The following NXNL2 variants were observed in gnomAD, a reference collection of about 807,000 sequenced individuals.
The protein encoded by NXNL2 is nucleoredoxin-like protein 2.
In NXNL2, 7 loss-of-function variants were observed where a neutral mutation model predicts 11.1. That is an observed-to-expected ratio of 0.63 (90% CI 0.36 to 1.18). The LOEUF (loss-of-function observed/expected upper bound fraction) is 1.18. Among genes scored for constraint, NXNL2 ranks in the 50% most tolerant of loss-of-function variants. NXNL2 has a pLI of 0.02. For synonymous variants in NXNL2, 109 were observed against 101.8 expected, an observed-to-expected ratio of 1.07 and a Z score of -0.42; for missense variants, 233 against 217.7, an observed-to-expected ratio of 1.07 and a Z score of -0.44.
downstream of NXNL2, among the ~76,000 whole-genome samples, chr9:88,545,357 T>A (rs1829832908): frequency 6.6e-6 from 1 of 152,194 alleles, no homozygotes; most frequent in African/African-American, 2.4e-5. Flanking sequence ...CTTTCCAGCC[T>A]CATTCTTATC....
exon 3 of NXNL2, chr9:88,575,239 C>A: frequency 1.2e-6 from 1 of 810,708 alleles, no homozygotes; most frequent in Non-Finnish European, 1.5e-6. Context: ...AGCAATCCTG[C>A]TGCTGGGTAT....
downstream of NXNL2, among the ~76,000 whole-genome samples, chr9:88,549,177 A>G (rs1332084127): frequency 3.3e-5 from 5 of 152,182 alleles, no homozygotes; most frequent in Non-Finnish European, 5.9e-5. Context: ...AGATATGCAG[A>G]CACATCCATT....
chr9:88,555,644 T>C (rs1436327384), intron 1 of NXNL2, among the ~76,000 whole-genome samples: 1 of 152,128 alleles, frequency 6.6e-6, no homozygotes, highest in Non-Finnish European at 1.5e-5. Context: ...ATACTTTTCC[T>C]GAAAGGAAAA....
chr9:88,563,968 T>A (rs1418268635), intron 1 of NXNL2, among the ~76,000 whole-genome samples: 1 of 152,046 alleles, frequency 6.6e-6, no homozygotes, highest in African/African-American at 2.4e-5. Flanking sequence ...CCTAGCACTT[T>A]GGGAGGCCAA....
chr9:88,563,824 A>G (rs1830123249), intron 1 of NXNL2, among the ~76,000 whole-genome samples: 1 of 151,798 alleles, frequency 6.6e-6, no homozygotes, highest in South Asian at 2.1e-4. Flanking sequence ...CCAATTGTTC[A>G]CACCTCTGCC....
downstream of NXNL2, among the ~76,000 whole-genome samples, chr9:88,549,640 C>A (rs76054764): frequency 6.2e-3 from 950 of 152,266 alleles, 7 homozygotes; most frequent in African/African-American, 0.021. Context: ...CTGTATTAGG[C>A]CATTCTTGCA....
Position 88,544,651 on chromosome 9 carries a change from A to T in NXNL2, c.*104A>T. The T allele has an allele frequency of 4.9e-6, 7 of 1,435,862 alleles. No homozygotes were observed. The highest frequency in any genetic ancestry group is 2.7e-6 in the Non-Finnish European group (3 of 1,092,778). 88.9% of individuals were successfully genotyped at this position (1,435,862 alleles called of 1,614,324 possible). ...TTCCTTCCTCTGTTGGTGTGATTTCATTGTATTTCAGAGCAGAAGCACTAA... is the reference window on the plus strand; with the variant it reads ...TTCCTTCCTCTGTTGGTGTGATTTCTTTGTATTTCAGAGCAGAAGCACTAA... On this transcript the variant is annotated 3_prime_UTR_variant, in exon 2 of 2. Coordinates refer to ENST00000375854, the MANE Select transcript of NXNL2 (RefSeq NM_001161625.2).
chr9:88,577,302 G>C (rs1231835251), downstream of NXNL2, among the ~76,000 whole-genome samples: 3 of 151,786 alleles, frequency 2.0e-5, no homozygotes, highest in East Asian at 1.9e-4. Context: ...TGACTGGGCG[G>C]GGGGGGCGGC....
chr9:88,547,110 C>T (rs1829856195), downstream of NXNL2, among the ~76,000 whole-genome samples: 1 of 152,248 alleles, frequency 6.6e-6, no homozygotes, highest in African/African-American at 2.4e-5. Context: ...GCCCACGTCT[C>T]ATCCAGACTC....
downstream of NXNL2, among the ~76,000 whole-genome samples, chr9:88,549,187 T>C (rs932240727): frequency 6.6e-6 from 1 of 152,182 alleles, no homozygotes; most frequent in Admixed American, 6.5e-5. Flanking sequence ...ACACATCCAT[T>C]GGTCTGTCCC....
chr9:88,543,996 C>A (rs1489239363), intron 1 of NXNL2, among the ~76,000 whole-genome samples: 1 of 152,138 alleles, frequency 6.6e-6, no homozygotes, highest in Non-Finnish European at 1.5e-5. Flanking sequence ...ATGGTGAAAC[C>A]CCATCTCTAC....
At position 88,535,691 on chromosome 9, in the gene NXNL2, T is replaced by G. The variant is rs142065572; in HGVS notation, c.257T>G (p.Leu86Arg). 8.1e-6 allele frequency: 13 copies of G among 1,601,226 alleles called. No individual in the cohort carries two copies. The highest frequency in any genetic ancestry group is 2.7e-5 in the African/African-American group (2 of 74,580). ...SQEMLDFMRE[L>R]HGAWLALPFH... Reference sequence around the variant, plus strand: ...GAGATGCTGGACTTCATGCGCGAGCTGCATGGCGCCTGGCTGGCGCTGCCC... The same window carrying G: ...GAGATGCTGGACTTCATGCGCGAGCGGCATGGCGCCTGGCTGGCGCTGCCC... The change falls in exon 1 of 2, where the codon CTG becomes CGG. Residue 86 changes from leucine (L) to arginine (R), a missense_variant. Leu to Arg is a moderately radical substitution (Grantham distance 102). Transcript: ENST00000375854.
intron 1 of NXNL2, among the ~76,000 whole-genome samples, chr9:88,543,491 C>G (rs759151151): frequency 6.6e-6 from 1 of 152,092 alleles, no homozygotes; most frequent in Non-Finnish European, 1.5e-5. Context: ...GTCTTGAACT[C>G]TTGGACTTAA....
At chr9:88,571,075 T>TC in intron 1 of NXNL2, 1 of 428,190 alleles carries the variant, frequency 2.3e-6, no homozygotes, top group Non-Finnish European at 4.6e-6. Context: ...TCTTTTCTTT[T>TC]TTTTTTTTCA....
At chr9:88,580,269 T>G (rs1830395072), downstream of NXNL2, among the ~76,000 whole-genome samples, 1 of 151,290 alleles carries the variant, frequency 6.6e-6, no homozygotes, top group Non-Finnish European at 1.5e-5. Flanking sequence ...TTCTTCTGCC[T>G]CAGCCTCCCA....
intron 1 of NXNL2, among the ~76,000 whole-genome samples, chr9:88,544,061 C>T (rs1400676082): frequency 6.6e-6 from 1 of 152,198 alleles, no homozygotes; most frequent in Non-Finnish European, 1.5e-5. Flanking sequence ...ATCCCAGCTA[C>T]TTGGGAGGCT....
intron 1 of NXNL2, 56 bp downstream of exon 1, chr9:88,535,792 C>T: frequency 4.2e-6 from 6 of 1,412,656 alleles, no homozygotes; most frequent in Non-Finnish European, 5.7e-6. Context: ...CCCATGTTCC[C>T]CCAGGCCTCC....
chr9:88,576,459 G>A (rs1010987802), downstream of NXNL2, among the ~76,000 whole-genome samples: 4 of 152,134 alleles, frequency 2.6e-5, no homozygotes, highest in Non-Finnish European at 4.4e-5. Context: ...AATTCTCCCC[G>A]TGCAGGGTGA....
chr9:88,548,296 A>G (rs1205455827), downstream of NXNL2, among the ~76,000 whole-genome samples: 1 of 137,078 alleles, frequency 7.3e-6, no homozygotes, highest in Non-Finnish European at 1.5e-5. Flanking sequence ...CCAAGATCAC[A>G]CTATTGCACT....
Sources: gnomAD v4.1 joint callset for allele counts (sites outside exome capture counted in the v4.1 genomes callset) on GRCh38, gnomAD v4.1.1 for gene constraint, MANE v1.5 for transcripts, NCBI Gene and HGNC (gene_info 2026-07-23, HGNC 2026-07-21) for gene names.